G3BP1: variants seen among roughly 807,000 people sequenced by gnomAD.
G3BP1 encodes ras GTPase-activating protein-binding protein 1.
Under a neutral mutation model 58.6 loss-of-function variants are expected in G3BP1, and 35 were observed. That is an observed-to-expected ratio of 0.60 (90% CI 0.46 to 0.79). The LOEUF (loss-of-function observed/expected upper bound fraction) is 0.79. Among genes scored for constraint, G3BP1 ranks in the 30% least tolerant of loss-of-function variants. The pLI is 0.00. For synonymous variants in G3BP1, 191 were observed against 195.4 expected (o/e 0.98, Z 0.19); for missense variants, 523 against 580.8 (o/e 0.90, Z 1.02).
chr5:151,773,492 CAA>C (rs1308480002), intron 1 of G3BP1, among the ~76,000 whole-genome samples: 1 of 152,160 alleles, frequency 6.6e-6, no homozygotes, highest in African/African-American at 2.4e-5. Flanking sequence ...TATGCAGAAA[CAA>C]GATGCTTTTC....
Position 151,808,189 on chromosome 5 carries a change from T to C in G3BP1, c.*4098T>C, listed in dbSNP as rs1419152595. On this transcript the variant is annotated 3_prime_UTR_variant, in exon 12 of 12. Transcript: ENST00000356245. ...TTTTGGGATTTATATTTGTTTAATG[T>C]TGAGATTCTGGGGACCATAGGTGGG... 6.6e-6 allele frequency: 1 copy of C among 152,214 alleles called. No individual in the cohort carries two copies. The highest frequency in any genetic ancestry group is 2.4e-5 in the African/African-American group (1 of 41,454). 9.4% of individuals were successfully genotyped at this position (152,214 alleles called of 1,614,324 possible).
Position 151,800,886 on chromosome 5 carries a change from C to A in G3BP1, c.1194+17C>A. 155 of 1,026,440 alleles carry A rather than the reference C, an allele frequency of 1.5e-4. No individual in the cohort carries two copies. Among genetic ancestry groups the A allele is most frequent in the Non-Finnish European group, 2.0e-4 (142 of 711,572 alleles). 63.6% of individuals were successfully genotyped at this position (1,026,440 alleles called of 1,614,324 possible). On this transcript the variant is annotated intron_variant, in intron 11 of 11. Transcript: ENST00000356245. ...AGCAACAGGGTAAGCAGCTTTTTGT[C>A]TTGATTTTTTTTTTTTTTTTTTAAA... is the stretch of plus-strand genomic sequence containing the variant.
At chr5:151,795,701 GT>G (rs1762737466) in intron 6 of G3BP1, 126 bp downstream of exon 6, 2 of 540,922 alleles carry the variant, frequency 3.7e-6, no homozygotes, top group Admixed American at 3.6e-5. Flanking sequence ...CAGAAGAATG[GT>G]TTTGTTTCTG....
intron 1 of G3BP1, among the ~76,000 whole-genome samples, chr5:151,775,782 T>C (rs1762359698): frequency 6.6e-6 from 1 of 152,248 alleles, no homozygotes; most frequent in South Asian, 2.1e-4. Flanking sequence ...TGAGTAGGTT[T>C]TAACTTTGGA....
At position 151,805,510 on chromosome 5, in the gene G3BP1, T is replaced by G. The variant is rs1762927880; in HGVS notation, c.*1419T>G. ...AACCAGGTTGTAAAATTCAGCGTAT[T>G]TATTTTCTTAACAGTATTCATCTTT... On this transcript the variant is annotated 3_prime_UTR_variant, in exon 12 of 12. Transcript: ENST00000356245. 6.6e-6 allele frequency: 1 copy of G among 152,234 alleles called. No homozygotes were observed. Among genetic ancestry groups the G allele is most frequent in the Non-Finnish European group, 1.5e-5 (1 of 68,040 alleles). 9.4% of individuals were successfully genotyped at this position (152,234 alleles called of 1,614,324 possible).
chr5:151,801,119 G>A (rs1294173160), intron 11 of G3BP1, among the ~76,000 whole-genome samples: 3 of 152,122 alleles, frequency 2.0e-5, no homozygotes, highest in African/African-American at 7.2e-5. Flanking sequence ...AGTTATCAGT[G>A]CACTGAGATT....
rs539911456 is a variant in G3BP1, at chr5:151,788,846, C to T, written c.96-1477C>T. On this transcript the variant is annotated intron_variant, in intron 2 of 11. Transcript: ENST00000356245. ...AGGCTGGAGTGCAGTGGCGCTATCT[C>T]GGCTCACCACAACCTCTGTCTCCCA... is the stretch of plus-strand genomic sequence containing the variant. Among the ~76,000 whole-genome samples the T allele has an allele frequency of 1.4e-4, 22 of 151,766 alleles. No individual in the cohort carries two copies. In the South Asian group the frequency reaches 4.0e-3, roughly 27 times the overall value.
intron 7 of G3BP1, 86 bp downstream of exon 7, chr5:151,797,514 A>G (rs1762775664): frequency 7.3e-7 from 1 of 1,367,186 alleles, no homozygotes; most frequent in Admixed American, 2.5e-5. Context: ...TGTTTGGTTG[A>G]CTTGTAGATA....
intron 1 of G3BP1, among the ~76,000 whole-genome samples, chr5:151,783,403 TAAAC>T (rs1420103385): frequency 6.6e-6 from 1 of 151,886 alleles, no homozygotes; most frequent in Non-Finnish European, 1.5e-5. Flanking sequence ...AATGATCAAA[TAAAC>T]AGATTTTTTT....
chr5:151,811,297 T>C lies in G3BP1; in HGVS notation c.*7206T>C, dbSNP rs1182186859. 6.6e-6 allele frequency: 1 copy of C among 152,250 alleles called. No individual in the cohort carries two copies. Among genetic ancestry groups the C allele is most frequent in the Non-Finnish European group, 1.5e-5 (1 of 68,044 alleles). The allele number at this position is 152,250 out of a possible 1,614,324, so 9.4% of individuals were successfully genotyped here. A position where few individuals can be genotyped will look rare whatever the true frequency, so the allele number is the denominator to read the frequency against. Reference sequence around the variant, plus strand: ...AAGCTCCTTATGGGCAGGATCTGTGTCTGAGTCATCTTTGTATCTTGCCTA... The same window carrying C: ...AAGCTCCTTATGGGCAGGATCTGTGCCTGAGTCATCTTTGTATCTTGCCTA... On this transcript the variant is annotated 3_prime_UTR_variant, in exon 12 of 12. Coordinates refer to ENST00000356245, the MANE Select transcript of G3BP1 (RefSeq NM_005754.3).
intron 1 of G3BP1, chr5:151,772,693 T>C (rs1762292403): frequency 6.6e-6 from 1 of 152,246 alleles, no homozygotes; most frequent in South Asian, 2.1e-4. Flanking sequence ...CCTCCTTCCT[T>C]AGCGGCCCAA....
intron 1 of G3BP1, among the ~76,000 whole-genome samples, chr5:151,778,097 T>C (rs917188004): frequency 1.3e-5 from 2 of 152,328 alleles, no homozygotes; most frequent in Admixed American, 1.3e-4. Flanking sequence ...TACGCCTTTA[T>C]TTCTCTTGGG....
intron 1 of G3BP1, among the ~76,000 whole-genome samples, chr5:151,781,819 A>G (rs1472574531): frequency 2.6e-5 from 4 of 152,220 alleles, no homozygotes; most frequent in Non-Finnish European, 5.9e-5. Context: ...GATTGGTTAT[A>G]TTATTGGTAA....
intron 3 of G3BP1, 57 bp downstream of exon 3, chr5:151,790,461 T>TG: frequency 1.2e-6 from 1 of 863,418 alleles, no homozygotes; most frequent in South Asian, 1.7e-5. Context: ...ACTCATAAAA[T>TG]TGAAGTGGAT....
At chr5:151,790,110 CA>C (rs759799755) in intron 2 of G3BP1, among the ~76,000 whole-genome samples, 2,204 of 57,170 alleles carry the variant, frequency 0.039, 29 homozygotes, top group African/African-American at 0.094. Flanking sequence ...TCAGCAAGAG[CA>C]AAAAAAAAAA....
Position 151,805,698 on chromosome 5 carries a change from T to C in G3BP1, c.*1607T>C, listed in dbSNP as rs1267631210. The C allele has an allele frequency of 2.0e-5, 3 of 152,342 alleles. No homozygotes were observed. The highest frequency in any genetic ancestry group is 7.2e-5 in the African/African-American group (3 of 41,578). The allele number at this position is 152,342 out of a possible 1,614,324, so 9.4% of individuals were successfully genotyped here. A position where few individuals can be genotyped will look rare whatever the true frequency, so the allele number is the denominator to read the frequency against. ...CAGCATCTCCTTTACATAAACTTAA[T>C]GTAACTGAATCACATGGCTTTTTTG... On this transcript the variant is annotated 3_prime_UTR_variant, in exon 12 of 12. Coordinates refer to ENST00000356245, the MANE Select transcript of G3BP1 (RefSeq NM_005754.3).
At chr5:151,789,142 A>C (rs542582885) in intron 2 of G3BP1, among the ~76,000 whole-genome samples, 1 of 152,248 alleles carries the variant, frequency 6.6e-6, no homozygotes, top group African/African-American at 2.4e-5. Context: ...ATAAAACATA[A>C]CAAAAAGAAA....
intron 4 of G3BP1, chr5:151,791,606 A>G (rs1762654029): frequency 6.4e-6 from 1 of 156,668 alleles, no homozygotes; most frequent in African/African-American, 2.4e-5. Context: ...TAGTTGTGAT[A>G]TGAATTTTGA....
At chr5:151,781,638 C>T (rs12332554) in intron 1 of G3BP1, among the ~76,000 whole-genome samples, 24,981 of 152,158 alleles carry the variant, frequency 0.16, 2,160 homozygotes, top group African/African-American at 0.21. Flanking sequence ...TTGATCTGTA[C>T]CATAGGTTGA....
Sources: gnomAD v4.1 joint callset for allele counts (sites outside exome capture counted in the v4.1 genomes callset) on GRCh38, gnomAD v4.1.1 for gene constraint, MANE v1.5 for transcripts, NCBI Gene and HGNC (gene_info 2026-07-23, HGNC 2026-07-21) for gene names.